ANKS1B: variants seen among roughly 807,000 people sequenced by gnomAD.
ANKS1B encodes ankyrin repeat and sterile alpha motif domain-containing protein 1B.
ANKS1B carries 36 observed loss-of-function variants against 148.3 expected under a neutral mutation model. The observed-to-expected ratio is 0.24, with a 90% confidence interval of 0.19 to 0.32. The LOEUF (loss-of-function observed/expected upper bound fraction) is 0.32. Among genes scored for constraint, ANKS1B ranks in the 10% least tolerant of loss-of-function variants. The pLI, the probability that ANKS1B is intolerant of heterozygous loss-of-function variation, is 1.00. For synonymous variants in ANKS1B, 542 were observed against 560.8 expected (o/e 0.97, Z 0.47); for missense variants, 1,157 against 1,542.6 (o/e 0.75, Z 4.19).
At chr12:98,931,307 T>C (rs1214240604) in intron 17 of ANKS1B, among the ~76,000 whole-genome samples, 1 of 152,164 alleles carries the variant, frequency 6.6e-6, no homozygotes, top group Non-Finnish European at 1.5e-5. Context: ...TGAGGCCTTC[T>C]GATCACTGGC....
At chr12:99,941,374 T>G (rs1173564591) in intron 1 of ANKS1B, among the ~76,000 whole-genome samples, 1 of 151,060 alleles carries the variant, frequency 6.6e-6, no homozygotes, top group Non-Finnish European at 1.5e-5. Context: ...ACAAAAAAGA[T>G]AAAATGAAGA....
chr12:99,370,823 T>C (rs1415329549), intron 12 of ANKS1B, among the ~76,000 whole-genome samples: 5 of 152,166 alleles, frequency 3.3e-5, no homozygotes, highest in African/African-American at 1.2e-4. Context: ...GCATTGTGCA[T>C]GAAAACAACA....
intron 9 of ANKS1B, among the ~76,000 whole-genome samples, chr12:99,591,070 T>C (rs772194395): frequency 1.5e-4 from 23 of 152,068 alleles, no homozygotes; most frequent in Non-Finnish European, 3.2e-4. Context: ...GTATCTTCCA[T>C]AGCACTGGTA....
intron 11 of ANKS1B, among the ~76,000 whole-genome samples, chr12:99,433,387 C>A (rs948405939): frequency 6.6e-6 from 1 of 152,140 alleles, no homozygotes; most frequent in Non-Finnish European, 1.5e-5. Flanking sequence ...ATTTAGAACT[C>A]ATGTACAAAT....
intron 17 of ANKS1B, among the ~76,000 whole-genome samples, chr12:98,918,068 A>G (rs2099796756): frequency 6.6e-6 from 1 of 152,248 alleles, no homozygotes; most frequent in South Asian, 2.1e-4. Context: ...CAGTGGAACT[A>G]TGCTATACAG....
intron 9 of ANKS1B, among the ~76,000 whole-genome samples, chr12:99,596,566 A>G (rs1280285391): frequency 2.6e-5 from 4 of 151,928 alleles, no homozygotes; most frequent in East Asian, 1.9e-4. Flanking sequence ...GGGTAGGTTT[A>G]TGCTTATTTC....
intron 8 of ANKS1B, among the ~76,000 whole-genome samples, chr12:99,726,378 A>G (rs1049556841): frequency 2.0e-5 from 3 of 152,192 alleles, no homozygotes; most frequent in African/African-American, 7.2e-5. Context: ...AAACTAGAAA[A>G]TCTAGAAGAA....
At chr12:98,785,218 C>T (rs143283619) in intron 22 of ANKS1B, among the ~76,000 whole-genome samples, 4,966 of 152,240 alleles carry the variant, frequency 0.033, 122 homozygotes, top group African/African-American at 0.071. Flanking sequence ...GCCTGTATTC[C>T]CAGCACTTTG....
chr12:99,394,842 G>T (rs907754034), intron 12 of ANKS1B, among the ~76,000 whole-genome samples: 2 of 152,080 alleles, frequency 1.3e-5, no homozygotes, highest in African/African-American at 4.8e-5. Context: ...TGGACCTTCT[G>T]CTGCCTACTT....
At chr12:99,033,172 T>C (rs1163123698) in intron 17 of ANKS1B, among the ~76,000 whole-genome samples, 1 of 152,106 alleles carries the variant, frequency 6.6e-6, no homozygotes. Flanking sequence ...TGAATGCAAA[T>C]ATGTGGGGAT....
chr12:98,947,730 C>G (rs975560850), intron 17 of ANKS1B, among the ~76,000 whole-genome samples: 1 of 152,100 alleles, frequency 6.6e-6, no homozygotes, highest in Non-Finnish European at 1.5e-5. Context: ...CAGGTAGGAC[C>G]GAAGTGATGA....
At chr12:99,892,860 A>G (rs866509010) in intron 1 of ANKS1B, among the ~76,000 whole-genome samples, 38 of 152,306 alleles carry the variant, frequency 2.5e-4, no homozygotes, top group Middle Eastern at 6.8e-3. Context: ...TACAGATTGA[A>G]TATAGAGACT....
chr12:99,250,742 A>C (rs2153973499), intron 12 of ANKS1B, among the ~76,000 whole-genome samples: 1 of 152,376 alleles, frequency 6.6e-6, no homozygotes, highest in South Asian at 2.1e-4. Flanking sequence ...TATTCTTCAA[A>C]ATAAATTCTG....
chr12:99,946,568 C>T (rs2095067729), intron 1 of ANKS1B, among the ~76,000 whole-genome samples: 1 of 152,272 alleles, frequency 6.6e-6, no homozygotes, highest in Non-Finnish European at 1.5e-5. Flanking sequence ...TCCCCAAATA[C>T]CATCACATTG....
chr12:98,906,601 T>C (rs1305770358), intron 17 of ANKS1B, among the ~76,000 whole-genome samples: 2 of 152,196 alleles, frequency 1.3e-5, no homozygotes, highest in African/African-American at 4.8e-5. Context: ...CTGGCTTCCC[T>C]CTGTCACTCA....
At chr12:99,666,675 C>T (rs1331181177) in intron 8 of ANKS1B, among the ~76,000 whole-genome samples, 2 of 152,072 alleles carry the variant, frequency 1.3e-5, no homozygotes, top group East Asian at 1.9e-4. Context: ...TCTGGAAAAT[C>T]TTTCAAATGG....
Position 98,852,022 on chromosome 12 carries a change from C to CAAAA in ANKS1B, c.2779-19890_2779-19887dup, listed in dbSNP as rs35129903. Among the ~76,000 whole-genome samples, 42 of 61,116 alleles carry CAAAA rather than the reference C, an allele frequency of 6.9e-4. 2 individuals carry two copies. The highest frequency in any genetic ancestry group is 2.5e-3 in the African/African-American group (35 of 14,088). The allele number at this position is 61,116 out of a possible 152,430, so 40.1% of individuals were successfully genotyped here. A position where few individuals can be genotyped will look rare whatever the true frequency, so the allele number is the denominator to read the frequency against. ...CTGGTGACAGAGCGAGACTCCATCT[C>CAAAA]AAAAAAAAAAAAAAAAAAAAAAAAA... On this transcript the variant is annotated intron_variant, in intron 17 of 26. Transcript: ENST00000683438.
At chr12:99,204,306 T>C (rs1299099121) in intron 14 of ANKS1B, among the ~76,000 whole-genome samples, 1 of 152,270 alleles carries the variant, frequency 6.6e-6, no homozygotes. Flanking sequence ...AATGTATTCA[T>C]GCTCTGAAAC....
chr12:99,727,394 T>C (rs567236769), intron 8 of ANKS1B, among the ~76,000 whole-genome samples: 55 of 152,014 alleles, frequency 3.6e-4, no homozygotes, highest in African/African-American at 1.3e-3. Context: ...TCACAATTGC[T>C]ATAAAGAGAA....
Sources: allele counts gnomAD v4.1 joint callset (sites outside exome capture counted in the v4.1 genomes callset), GRCh38; gene constraint gnomAD v4.1.1; transcripts MANE v1.5; gene names NCBI Gene and HGNC (gene_info 2026-07-23, HGNC 2026-07-21).